The following EXOC6B variants were observed in gnomAD, a reference collection of about 807,000 sequenced individuals.
EXOC6B encodes SEC15 homolog B.
A neutral mutation model predicts 113.5 loss-of-function variants in EXOC6B; 54 were observed. That is an observed-to-expected ratio of 0.48 (90% CI 0.38 to 0.60). The LOEUF (loss-of-function observed/expected upper bound fraction) is 0.60, where lower values mean the gene tolerates loss of function less well. Ranked by LOEUF, EXOC6B falls within the 20% of genes least tolerant of loss-of-function variation. The pLI, the probability that EXOC6B is intolerant of heterozygous loss-of-function variation, is 0.00. For missense variants in EXOC6B, 797 were observed against 977.5 expected (o/e 0.82, Z 2.46); for synonymous variants, 357 against 339.0 (o/e 1.05, Z -0.58).
At chr2:72,354,297 T>A (rs989881540) in intron 19 of EXOC6B, 1 of 152,242 alleles carries the variant, frequency 6.6e-6, no homozygotes, top group Admixed American at 6.5e-5. Flanking sequence ...TGATCTTTCA[T>A]GTAGTAGATC....
chr2:72,791,781 A>C (rs1684685925), intron 1 of EXOC6B, among the ~76,000 whole-genome samples: 1 of 152,250 alleles, frequency 6.6e-6, no homozygotes, highest in Non-Finnish European at 1.5e-5. Flanking sequence ...TAAATAGTGA[A>C]TCTGACTGCA....
At chr2:72,339,983 C>T (rs1688930006) in intron 19 of EXOC6B, among the ~76,000 whole-genome samples, 1 of 151,940 alleles carries the variant, frequency 6.6e-6, no homozygotes, top group Admixed American at 6.6e-5. Flanking sequence ...TTCTAATAAT[C>T]TTCACATTAT....
intron 20 of EXOC6B, among the ~76,000 whole-genome samples, chr2:72,205,923 C>A (rs1160111735): frequency 6.6e-6 from 1 of 152,054 alleles, no homozygotes; most frequent in Non-Finnish European, 1.5e-5. Context: ...ATCTCTGGTC[C>A]CCAGGGGCAA....
chr2:72,580,953 C>T (rs1199455666), intron 6 of EXOC6B, among the ~76,000 whole-genome samples: 2 of 152,164 alleles, frequency 1.3e-5, no homozygotes, highest in East Asian at 3.8e-4. Context: ...ACTGACTCTC[C>T]CACCTTCTCT....
chr2:72,436,723 T>C (rs927444785), intron 18 of EXOC6B, among the ~76,000 whole-genome samples: 5 of 152,130 alleles, frequency 3.3e-5, no homozygotes, highest in Non-Finnish European at 7.4e-5. Flanking sequence ...CTTCACAAAG[T>C]TCTCGTGCTG....
chr2:72,719,476 C>G (rs375135135), intron 5 of EXOC6B, among the ~76,000 whole-genome samples: 11 of 152,254 alleles, frequency 7.2e-5, no homozygotes, highest in East Asian at 5.8e-4. Context: ...GCAGGCGACA[C>G]CTAAAAGGGT....
At chr2:72,512,314 C>T (rs965212114) in intron 11 of EXOC6B, among the ~76,000 whole-genome samples, 8 of 107,554 alleles carry the variant, frequency 7.4e-5, no homozygotes, top group African/African-American at 3.1e-4. Context: ...TTAAGAAACA[C>T]GGAAGGAAGG....
chr2:72,473,397 C>T (rs1006357116), intron 17 of EXOC6B, among the ~76,000 whole-genome samples: 4 of 152,004 alleles, frequency 2.6e-5, no homozygotes, highest in Non-Finnish European at 4.4e-5. Flanking sequence ...GTTACATCCT[C>T]TTGCTAGATT....
At chr2:72,521,800 G>A (rs200513967) in intron 8 of EXOC6B, among the ~76,000 whole-genome samples, 7 of 152,016 alleles carry the variant, frequency 4.6e-5, no homozygotes, top group Admixed American at 1.3e-4. Flanking sequence ...GGGTTCAAGC[G>A]ATTCTCCTGC....
intron 20 of EXOC6B, among the ~76,000 whole-genome samples, chr2:72,286,756 A>G (rs1340886391): frequency 6.6e-6 from 1 of 152,174 alleles, no homozygotes; most frequent in East Asian, 1.9e-4. Flanking sequence ...AGAAGTACCT[A>G]GGATATCTCT....
intron 1 of EXOC6B, among the ~76,000 whole-genome samples, chr2:72,801,353 CTGTT>C (rs1020106013): frequency 6.6e-6 from 1 of 152,096 alleles, no homozygotes; most frequent in Non-Finnish European, 1.5e-5. Context: ...AGTGTGCTCT[CTGTT>C]TATCAATAAG....
chr2:72,509,652 G>A (rs1210460462), intron 11 of EXOC6B, among the ~76,000 whole-genome samples: 1 of 151,806 alleles, frequency 6.6e-6, no homozygotes, highest in African/African-American at 2.4e-5. Context: ...CATATTGTCA[G>A]ATGAGGTTAA....
chr2:72,440,239 G>C (rs540739107), intron 18 of EXOC6B, among the ~76,000 whole-genome samples: 1 of 152,148 alleles, frequency 6.6e-6, no homozygotes, highest in Non-Finnish European at 1.5e-5. Context: ...TCTGTGCCCA[G>C]TTGGCTTTGG....
chr2:72,718,384 T>G (rs1330530227), intron 5 of EXOC6B, 77 bp from the exon 6 acceptor site: 1 of 1,173,302 alleles, frequency 8.5e-7, no homozygotes, highest in Non-Finnish European at 1.2e-6. Context: ...TGAATTGGTT[T>G]TCACTGTGCA....
At position 72,537,934 on chromosome 2, in the gene EXOC6B, C is replaced by T. The variant is rs373371079; in HGVS notation, c.915+21519G>A. Among the ~76,000 whole-genome samples, 26 of 149,434 alleles carry T rather than the reference C, an allele frequency of 1.7e-4. 2 individuals are homozygous for T. The highest frequency in any genetic ancestry group is 5.4e-4 in the African/African-American group (22 of 40,778). ...TAAAATCATGGCTGACATTCTTTTA[C>T]GAAAATGTTAAATATAATAGCACTA... is the stretch of plus-strand genomic sequence containing the variant. On this transcript the variant is annotated intron_variant, in intron 8 of 21. Coordinates refer to ENST00000272427, the MANE Select transcript of EXOC6B (RefSeq NM_015189.3).
At chr2:72,655,756 C>T (rs967025923) in intron 6 of EXOC6B, among the ~76,000 whole-genome samples, 3 of 152,012 alleles carry the variant, frequency 2.0e-5, no homozygotes, top group African/African-American at 4.8e-5. Context: ...TTACAAATTG[C>T]ACTTTTAGTA....
At chr2:72,531,064 AATT>A (rs1447303325) in intron 8 of EXOC6B, among the ~76,000 whole-genome samples, 1 of 151,998 alleles carries the variant, frequency 6.6e-6, no homozygotes, top group African/African-American at 2.4e-5. Flanking sequence ...CATTCAATAC[AATT>A]ATTCACATGT....
intron 1 of EXOC6B, among the ~76,000 whole-genome samples, chr2:72,779,858 G>A (rs1328359431): frequency 6.6e-6 from 1 of 152,182 alleles, no homozygotes; most frequent in East Asian, 1.9e-4. Flanking sequence ...TATGCCCGTT[G>A]CTTCATGGGA....
At chr2:72,705,321 G>T (rs890039951) in intron 6 of EXOC6B, among the ~76,000 whole-genome samples, 1 of 152,002 alleles carries the variant, frequency 6.6e-6, no homozygotes, top group Non-Finnish European at 1.5e-5. Context: ...TTGATGGGAC[G>T]TATTTCAAAA....
Sources: allele counts gnomAD v4.1 joint callset (sites outside exome capture counted in the v4.1 genomes callset), GRCh38; gene constraint gnomAD v4.1.1; transcripts MANE v1.5; gene names NCBI Gene and HGNC (gene_info 2026-07-23, HGNC 2026-07-21).